Variants in FHL1 observed in about 807,000 individuals in gnomAD.
FHL1 encodes the protein four and a half LIM domains 1, also known as four and a half LIM domains protein 1.
Under a neutral mutation model 20.3 loss-of-function variants are expected in FHL1, and 1 was observed. That is an observed-to-expected ratio of 0.05 (90% confidence interval 0.02 to 0.23). FHL1 has a LOEUF of 0.23. Among genes scored for constraint, FHL1 ranks in the 10% least tolerant of loss-of-function variants. The pLI is 1.00. For missense variants in FHL1, 177 were observed against 234.0 expected (o/e 0.76, Z 1.59); for synonymous variants, 82 against 88.9 (o/e 0.92, Z 0.44).
At chrX:136,168,928 A>G (rs1474989766), upstream of FHL1, among the ~76,000 whole-genome samples, 1 of 111,371 alleles carries the variant, frequency 9.0e-6, no homozygotes, top group African/African-American at 3.3e-5. Context: ...GTTTCCATCT[A>G]TACTTCTTGA....
intron 1 of FHL1, among the ~76,000 whole-genome samples, chrX:136,149,589 G>T (rs187493224): frequency 2.7e-5 from 3 of 111,777 alleles, no homozygotes; most frequent in African/African-American, 9.8e-5. Context: ...TATGGTTTTT[G>T]AAATTCTAGG....
intron 1 of FHL1, among the ~76,000 whole-genome samples, chrX:136,200,894 T>C (rs1314917263): frequency 8.9e-6 from 1 of 111,933 alleles, no homozygotes; most frequent in African/African-American, 3.2e-5. Context: ...CCGGGCACGG[T>C]GGCTCATGCC....
intron 1 of FHL1, among the ~76,000 whole-genome samples, chrX:136,159,368 C>G (rs2072505541): frequency 9.1e-6 from 1 of 109,620 alleles, no homozygotes; most frequent in Non-Finnish European, 1.9e-5. Flanking sequence ...ATGATGAAAC[C>G]CTGTCTCTAC....
chrX:136,155,065 C>A (rs1434267637), intron 1 of FHL1, among the ~76,000 whole-genome samples: 1 of 112,202 alleles, frequency 8.9e-6, no homozygotes, highest in African/African-American at 3.2e-5. Flanking sequence ...CTTCTCCTGC[C>A]CCATTTCATT....
chrX:136,171,904 T>G (rs1220259502), intron 2 of FHL1, among the ~76,000 whole-genome samples: 3 of 109,334 alleles, frequency 2.7e-5, no homozygotes, highest in Non-Finnish European at 5.7e-5. Flanking sequence ...TTTTATGGAG[T>G]CTTGCTTTGT....
At chrX:136,175,290 T>C (rs778547129) in intron 2 of FHL1, among the ~76,000 whole-genome samples, 1 of 112,726 alleles carries the variant, frequency 8.9e-6, no homozygotes, top group Admixed American at 9.4e-5. Flanking sequence ...TTTTACTAAG[T>C]TAGCAGAATT....
chrX:136,205,980 C>T (rs1445693799), intron 1 of FHL1: 10 of 221,335 alleles, frequency 4.5e-5, no homozygotes, highest in Non-Finnish European at 5.8e-5. Flanking sequence ...GCCTGCCTGC[C>T]CCATCACACC....
intron 2 of FHL1, among the ~76,000 whole-genome samples, chrX:136,172,213 T>G (rs1343238315): frequency 1.1e-4 from 12 of 112,264 alleles, no homozygotes; most frequent in African/African-American, 3.6e-4. Flanking sequence ...AAATTCTGTT[T>G]CCATGTAACA....
intron 1 of FHL1, among the ~76,000 whole-genome samples, chrX:136,202,419 A>G (rs1402818359): frequency 2.7e-5 from 3 of 109,814 alleles, no homozygotes; most frequent in African/African-American, 1.0e-4. Flanking sequence ...CTCTCATTTC[A>G]AACAAAAGAA....
chrX:136,161,519 C>T (rs2072566052), intron 1 of FHL1, among the ~76,000 whole-genome samples: 1 of 111,694 alleles, frequency 9.0e-6, no homozygotes, highest in African/African-American at 3.3e-5. Context: ...ACCTTACAAA[C>T]TTAGTTATTC....
At chrX:136,149,748 T>C (rs1603238724) in intron 1 of FHL1, among the ~76,000 whole-genome samples, 1 of 111,942 alleles carries the variant, frequency 8.9e-6, no homozygotes, top group Admixed American at 9.5e-5. Context: ...TAATTTAATA[T>C]ATATTAAATG....
intron 5 of FHL1, 115 bp downstream of exon 5, chrX:136,208,756 C>A: frequency 2.6e-6 from 2 of 756,073 alleles, no homozygotes; most frequent in Non-Finnish European, 4.1e-6. Flanking sequence ...TGCCCTTCTC[C>A]CCCTGCTATT....
intron 5 of FHL1, chrX:136,209,157 C>T (rs1212197018): frequency 1.1e-6 from 1 of 942,725 alleles, no homozygotes; most frequent in African/African-American, 2.0e-5. Context: ...ATCCACGTGC[C>T]CTGGGCCCTT....
chrX:136,171,666 A>C (rs1024809263), intron 2 of FHL1, among the ~76,000 whole-genome samples: 3 of 112,006 alleles, frequency 2.7e-5, no homozygotes, highest in Non-Finnish European at 5.6e-5. Flanking sequence ...AACCATGTGT[A>C]AAAGGGCTGT....
chrX:136,171,236 A>G (rs2072858689), intron 2 of FHL1, among the ~76,000 whole-genome samples: 1 of 110,835 alleles, frequency 9.0e-6, no homozygotes, highest in African/African-American at 3.3e-5. Flanking sequence ...TTTACCTATA[A>G]TGGTTGTTTT....
upstream of FHL1, chrX:136,169,560 T>G: frequency 4.0e-6 from 1 of 249,356 alleles, no homozygotes; most frequent in Non-Finnish European, 7.5e-6. Flanking sequence ...TCTAAACGAC[T>G]GAGTCATTTG....
At position 136,210,728 on chromosome X, in the gene FHL1, C is replaced by T. The variant is rs760713456; in HGVS notation, c.*703C>T. 2.1e-4 allele frequency: 81 copies of T among 387,473 alleles called. No individual in the cohort carries two copies. Among genetic ancestry groups the T allele is most frequent in the African/African-American group, 1.7e-3 (71 of 40,739 alleles). 31.9% of individuals were successfully genotyped at this position (387,473 alleles called of 1,213,427 possible). A position where few individuals can be genotyped will look rare whatever the true frequency, so the allele number is the denominator to read the frequency against. ...GGAAGTGTAGAAAGACCTGAGAAAA[C>T]GAGCCTGTTTCAGAGGAACATCGTC... On this transcript the variant is annotated 3_prime_UTR_variant, in exon 6 of 6. Coordinates refer to ENST00000370683, the MANE Select transcript of FHL1 (RefSeq NM_001159699.2).
chrX:136,162,912 G>A (rs1386485157), intron 1 of FHL1, among the ~76,000 whole-genome samples: 1 of 112,167 alleles, frequency 8.9e-6, no homozygotes, highest in African/African-American at 3.2e-5. Flanking sequence ...CTGGAGACTG[G>A]GAAGTCCCAA....
intron 1 of FHL1, among the ~76,000 whole-genome samples, chrX:136,202,210 C>G (rs1456255440): frequency 9.0e-6 from 1 of 110,593 alleles, no homozygotes. Flanking sequence ...ACTAAAAATA[C>G]AAAAATTAGC....
Sources: gnomAD v4.1 joint callset for allele counts (sites outside exome capture counted in the v4.1 genomes callset) on GRCh38, gnomAD v4.1.1 for gene constraint, MANE v1.5 for transcripts, NCBI Gene and HGNC (gene_info 2026-07-23, HGNC 2026-07-21) for gene names.